GATA2: variants seen among roughly 807,000 people sequenced by gnomAD.
The protein encoded by GATA2 is GATA binding protein 2, also known as endothelial transcription factor GATA-2.
GATA2 carries 6 observed loss-of-function variants against 35.7 expected under a neutral mutation model. That is an observed-to-expected ratio of 0.17 (90% CI 0.09 to 0.33). The LOEUF (loss-of-function observed/expected upper bound fraction) is 0.33, where lower values mean the gene tolerates loss of function less well. GATA2 is among the 10% of genes least tolerant of loss of function. The pLI is 1.00. For missense variants in GATA2, 541 were observed against 656.6 expected, an observed-to-expected ratio of 0.82 and a Z score of 1.92; for synonymous variants, 313 against 274.9, an observed-to-expected ratio of 1.14 and a Z score of -1.37.
At chr3:128,492,248 T>A (rs1266844454) in intron 1 of GATA2, 3 of 152,238 alleles carry the variant, frequency 2.0e-5, no homozygotes, top group African/African-American at 2.4e-5. Flanking sequence ...TAATTTTAAA[T>A]GCCCCGTTTT....
Position 128,481,805 on chromosome 3 carries a change from C to T in GATA2, c.1143+14G>A, listed in dbSNP as rs1425713311. The T allele has an allele frequency of 2.2e-5, 36 of 1,609,330 alleles. No individual in the cohort carries two copies. The highest frequency in any genetic ancestry group is 4.0e-5 in the African/African-American group (3 of 74,876). ...CCTGGGAGGGGCGGGGTGGCCGGGG[C>T]GGGGCGCACTCACATTGTGCAGCTT... is the stretch of plus-strand genomic sequence containing the variant. On this transcript the variant is annotated intron_variant, in intron 5 of 5. Transcript: ENST00000341105.
intron 4 of GATA2, 135 bp downstream of exon 4, chr3:128,483,725 C>T (rs1361444412): frequency 1.5e-5 from 18 of 1,220,098 alleles, no homozygotes; most frequent in Non-Finnish European, 2.1e-5. Flanking sequence ...CCCCAACTGA[C>T]ATCCCAGTGC....
Position 128,480,924 on chromosome 3 carries a change from G to T in GATA2, c.*95C>A. On this transcript the variant is annotated 3_prime_UTR_variant, in exon 6 of 6. Transcript: ENST00000341105. ...AGGGGGTGCTGGGCCGAGCCGGGCT[G>T]GCAGGAGTGGTGTCGGCCTTCGGGA... 2 of 1,366,552 alleles carry T rather than the reference G, an allele frequency of 1.5e-6. No individual in the cohort carries two copies. Among genetic ancestry groups the T allele is most frequent in the Non-Finnish European group, 2.0e-6 (2 of 1,022,130 alleles). The allele number at this position is 1,366,552 out of a possible 1,614,324, so 84.7% of individuals were successfully genotyped here.
At chr3:128,482,063 TG>T (rs1263214149) in intron 4 of GATA2, 119 bp from the exon 5 acceptor site, 2 of 1,296,258 alleles carry the variant, frequency 1.5e-6, no homozygotes, top group Non-Finnish European at 2.1e-6. Context: ...AAATCTCACA[TG>T]GGAATCAAAG....
chr3:128,482,733 G>T (rs1576745978), intron 4 of GATA2, among the ~76,000 whole-genome samples: 1 of 152,284 alleles, frequency 6.6e-6, no homozygotes, highest in East Asian at 1.9e-4. Flanking sequence ...CCTGGCAGAG[G>T]TAGGGTCTGG....
rs948795751 is a variant in GATA2 at position 128,488,804 on chromosome 3, C to G, written c.-45-1728G>C. Reference sequence around the variant, plus strand: ...AAGTGCTCCCCACTCACTTCTAGCCCGGAGATCGGCTCTATGGTTCGTGTG... The same window carrying G: ...AAGTGCTCCCCACTCACTTCTAGCCGGGAGATCGGCTCTATGGTTCGTGTG... On this transcript the variant is annotated intron_variant, in intron 1 of 5. Coordinates refer to ENST00000341105, the MANE Select transcript of GATA2 (RefSeq NM_032638.5). This position sits in a 1 kb window ranked among gnomAD's most constrained non-coding sequence, Gnocchi z 5.8. Among the ~76,000 whole-genome samples the G allele has an allele frequency of 6.6e-6, 1 of 152,164 alleles. No individual in the cohort carries two copies. Among genetic ancestry groups the G allele is most frequent in the South Asian group, 2.1e-4 (1 of 4,828 alleles).
At chr3:128,491,285 C>T (rs966031439) in intron 1 of GATA2, among the ~76,000 whole-genome samples, 2 of 151,934 alleles carry the variant, frequency 1.3e-5, no homozygotes, top group African/African-American at 2.4e-5. Context: ...AGTTTGCCCT[C>T]CCTTTGTAAC....
At chr3:128,484,764 C>A (rs990211722) in intron 3 of GATA2, among the ~76,000 whole-genome samples, 1 of 151,936 alleles carries the variant, frequency 6.6e-6, no homozygotes, top group Admixed American at 6.6e-5. Flanking sequence ...GGACCCTGAG[C>A]CGGGGCTCAG....
rs146814201 is a variant in GATA2 at position 128,481,867 on chromosome 3, G to A, written c.1095C>T (p.Asn365=). 3.0e-5 allele frequency: 49 copies of A among 1,613,982 alleles called. No individual in the cohort carries two copies. Among genetic ancestry groups the A allele is most frequent in the East Asian group, 1.3e-4 (6 of 44,876 alleles). Residue 365 remains asparagine (N), a synonymous_variant, in exon 5 of 6, where the codon AAC becomes AAT. Transcript: ENST00000341105. The part of the protein sequence containing the change: ...TTTTLWRRNA[N]GDPVCNACGL... ...CACAGGCGTTGCAGACAGGGTCCCC[G>A]TTGGCGTTTCGGCGCCATAAGGTGG...
intron 3 of GATA2, 114 bp downstream of exon 3, chr3:128,485,613 C>T: frequency 1.5e-6 from 2 of 1,294,840 alleles, no homozygotes; most frequent in South Asian, 2.7e-5. Context: ...AGCGAGACAT[C>T]ACCCATCCCC....
At chr3:128,482,027 C>T in intron 4 of GATA2, 83 bp from the exon 5 acceptor site, 1 of 1,558,004 alleles carries the variant, frequency 6.4e-7, no homozygotes. Flanking sequence ...CACCCCCAGT[C>T]CCCACCAGCT....
Position 128,483,722 on chromosome 3 carries a change from T to G in GATA2, c.1017+138A>C. 4 of 1,211,500 alleles carry G rather than the reference T, an allele frequency of 3.3e-6. No individual in the cohort carries two copies. In the South Asian group the frequency reaches 5.2e-5, roughly 16 times the overall value. 75.0% of individuals were successfully genotyped at this position (1,211,500 alleles called of 1,614,324 possible). ...GGCCAGAAAGAGAGACGACCCCAAC[T>G]GACATCCCAGTGCTTTTCATGATAA... On this transcript the variant is annotated intron_variant, in intron 4 of 5. Transcript: ENST00000341105.
At chr3:128,491,919 G>A (rs2068773056) in intron 1 of GATA2, 1 of 152,226 alleles carries the variant, frequency 6.6e-6, no homozygotes, top group South Asian at 2.1e-4. Flanking sequence ...TGGTAAATCC[G>A]TTTCGTTAGG....
intron 1 of GATA2, among the ~76,000 whole-genome samples, chr3:128,491,208 G>GCCCCCCCCCCCCCCCCCCC (rs373070119): frequency 3.7e-5 from 4 of 107,390 alleles, no homozygotes; most frequent in African/African-American, 8.3e-5. Flanking sequence ...CGGCCGTCCA[G>GCCCCCCCCCCCCCCCCCCC]CCCCCCCCCC....
chr3:128,490,279 C>A (rs554737995), intron 1 of GATA2: 1 of 152,286 alleles, frequency 6.6e-6, no homozygotes, highest in South Asian at 2.1e-4. Context: ...CAGAGCGGAG[C>A]GAGGGAGGGG....
Position 128,486,252 on chromosome 3 carries a change from A to AGGGGTT in GATA2, c.340_345dup (p.Asn114_Pro115dup). ...GTCTTGGAGAAGGGGCTCACGGTCCAGGGGTTGTGGTGGTGGGCCGCAGCG... is the reference window on the plus strand; with the variant it reads ...GTCTTGGAGAAGGGGCTCACGGTCCAGGGGTTGGGGTTGTGGTGGTGGGCCGCAGCG... On this transcript the variant is annotated inframe_insertion, in exon 3 of 6. Transcript: ENST00000341105. 1 of 1,567,784 alleles carries AGGGGTT rather than the reference A, an allele frequency of 6.4e-7. No homozygotes were observed. Among genetic ancestry groups the AGGGGTT allele is most frequent in the Non-Finnish European group, 8.6e-7 (1 of 1,156,746 alleles).
At chr3:128,482,397 T>C (rs2068641762) in intron 4 of GATA2, among the ~76,000 whole-genome samples, 1 of 152,194 alleles carries the variant, frequency 6.6e-6, no homozygotes, top group Non-Finnish European at 1.5e-5. Flanking sequence ...GGTGAGTCAG[T>C]GTCGCTGAGG....
In GATA2 at chr3:128,481,240, T is replaced by C. The variant is rs1576744467; in HGVS notation, c.1222A>G (p.Lys408Glu). The part of the protein sequence containing the change: ...RKMSNKSKKS[K>E]KGAECFEELS... The stretch of plus-strand genomic sequence containing the variant: ...TCCTCGAAGCACTCCGCCCCTTTCT[T>C]GCTCTTCTTGGACTTGTTGGACATC... Residue 408 changes from lysine to glutamate, a missense_variant, in exon 6 of 6, where the codon AAG (lysine) becomes GAG (glutamate). Lys to Glu is a moderately conservative substitution (Grantham distance 56). Around this residue, in one of 5 missense-constraint regions of GATA2, gnomAD observed 95 missense variants for 114.0 expected, o/e 0.83. Transcript: ENST00000341105. 1 of 1,614,230 alleles carries C rather than the reference T, an allele frequency of 6.2e-7. No homozygotes were observed. The highest frequency in any genetic ancestry group is 8.5e-7 in the Non-Finnish European group (1 of 1,180,052).
rs2068693960 is a variant in GATA2 at position 128,486,089 on chromosome 3, A to G, written c.509T>C (p.Leu170Pro). ...GGGTGGCGTGGGTGGGAAGCCGAAA[A>G]GGTGGGAGCCAGAGTGGGCTGCTGT... The part of the protein sequence containing the change: ...TPTAAHSGSH[L>P]FGFPPTPPKE... Residue 170 changes from leucine to proline, a missense_variant, in exon 3 of 6, where the codon CTT (leucine) becomes CCT (proline). By Grantham distance (98) the Leu-to-Pro change is moderately conservative. This residue lies in a region of GATA2 where 389 missense variants were observed against 396.9 expected (regional missense o/e 0.98). Transcript: ENST00000341105. 6.2e-7 allele frequency: 1 copy of G among 1,613,798 alleles called. No homozygotes were observed. Among genetic ancestry groups the G allele is most frequent in the African/African-American group, 1.3e-5 (1 of 74,904 alleles).
Sources: allele counts gnomAD v4.1 joint callset (sites outside exome capture counted in the v4.1 genomes callset), GRCh38; gene constraint gnomAD v4.1.1; regional missense constraint gnomAD v4.1.1; non-coding constraint Gnocchi (gnomAD v3.1); transcripts MANE v1.5; gene names NCBI Gene and HGNC (gene_info 2026-07-23, HGNC 2026-07-21).